Variants in BDNF observed in about 807,000 individuals in gnomAD.
BDNF encodes brain derived neurotrophic factor.
BDNF carries 1 observed loss-of-function variant against 19.5 expected under a neutral mutation model. That is an observed-to-expected ratio of 0.05 (90% confidence interval 0.02 to 0.24). BDNF has a LOEUF of 0.24. BDNF is among the 10% of genes least tolerant of loss of function. The pLI, the probability that BDNF is intolerant of heterozygous loss-of-function variation, is 1.00. For synonymous variants in BDNF, 100 were observed against 121.6 expected (o/e 0.82, Z 1.17); for missense variants, 195 against 317.6 (o/e 0.61, Z 2.93).
intron 1 of BDNF, among the ~76,000 whole-genome samples, chr11:27,682,766 C>T (rs1590361007): frequency 6.6e-6 from 1 of 152,238 alleles, no homozygotes; most frequent in Middle Eastern, 3.4e-3. Context: ...GCATAGTATT[C>T]CATGGTGTAT....
In BDNF at chr11:27,655,757, C is replaced by G. The variant is rs905724306; in HGVS notation, c.*2064G>C. ...AGATGCAGCAATTGCTTGGGGCTTTCTGATACTTAAGGATGCTGGTCCAAG... is the reference window on the plus strand; with the variant it reads ...AGATGCAGCAATTGCTTGGGGCTTTGTGATACTTAAGGATGCTGGTCCAAG... On this transcript the variant is annotated 3_prime_UTR_variant, in exon 2 of 2. Transcript: ENST00000356660. The G allele has an allele frequency of 1.3e-5, 2 of 152,166 alleles. No individual in the cohort carries two copies. The highest frequency in any genetic ancestry group is 6.5e-5 in the Admixed American group (1 of 15,278). 9.4% of individuals were successfully genotyped at this position (152,166 alleles called of 1,614,324 possible). A position where few individuals can be genotyped will look rare whatever the true frequency, so the allele number is the denominator to read the frequency against.
At position 27,657,516 on chromosome 11, in the gene BDNF, G is replaced by GCA. The variant is rs1852727861; in HGVS notation, c.*303_*304dup. On this transcript the variant is annotated 3_prime_UTR_variant, in exon 2 of 2. Transcript: ENST00000356660. This position sits in a 1 kb window ranked among gnomAD's most constrained non-coding sequence, Gnocchi z 5.0. ...AGTTTATTATCAATTCACAATTAAA[G>GCA]CAGCATGCAATTTATTATTTTTTTT... The GCA allele has an allele frequency of 1.5e-5, 17 of 1,134,244 alleles. No homozygotes were observed. Among genetic ancestry groups the GCA allele is most frequent in the Non-Finnish European group, 1.7e-5 (16 of 922,100 alleles). The allele number at this position is 1,134,244 out of a possible 1,614,324, so 70.3% of individuals were successfully genotyped here. A position where few individuals can be genotyped will look rare whatever the true frequency, so the allele number is the denominator to read the frequency against.
At chr11:27,703,209 C>T (rs933842752), upstream of BDNF, among the ~76,000 whole-genome samples, 1 of 152,104 alleles carries the variant, frequency 6.6e-6, no homozygotes, top group African/African-American at 2.4e-5. Context: ...AGACCCTCTG[C>T]GTTGGTTCCC....
chr11:27,701,502 C>T, upstream of BDNF: 5 of 989,008 alleles, frequency 5.1e-6, no homozygotes, highest in South Asian at 4.6e-5. Flanking sequence ...AATTGCATGG[C>T]GGAGGTAATA....
At chr11:27,718,627 G>A (rs1255410550) in intron 1 of BDNF, among the ~76,000 whole-genome samples, 1 of 147,830 alleles carries the variant, frequency 6.8e-6, no homozygotes, top group Non-Finnish European at 1.5e-5. Context: ...CTGGATCTCG[G>A]AACAATCTGT....
chr11:27,665,021 A>C lies in BDNF; in HGVS notation c.-21-6436T>G, dbSNP rs550687638. ...CTTTTAAAGTTTACTTTTTTAAAAA[A>C]CAGTTTTTTGTTTACAGGACCCAAA... On this transcript the variant is annotated intron_variant, in intron 1 of 1. Coordinates refer to ENST00000356660, the MANE Select transcript of BDNF (RefSeq NM_001709.5). 1.9e-4 allele frequency among the ~76,000 whole-genome samples: 29 copies of C among 152,304 alleles called. No individual in the cohort carries two copies. In the South Asian group the frequency reaches 5.6e-3, roughly 29 times the overall value.
rs150582127 is a variant in BDNF at position 27,658,989 on chromosome 11, T to C, written c.-21-404A>G. On this transcript the variant is annotated intron_variant, in intron 1 of 1. Transcript: ENST00000356660. The surrounding 1 kb of genome is among the most constrained non-coding windows in gnomAD (Gnocchi z 5.7). ...CAACAACTGCAAGTGTAATTAATAG[T>C]AATTTTTTTCAAGTTAGCAACATGG... 3.7e-4 allele frequency: 400 copies of C among 1,092,956 alleles called. 2 individuals carry two copies. The East Asian group carries it at 0.023, about 62-fold the overall frequency. The allele number at this position is 1,092,956 out of a possible 1,614,324, so 67.7% of individuals were successfully genotyped here.
rs948806213 is a variant in BDNF at position 27,700,192 on chromosome 11, C to G, written c.-50G>C. 5.0e-5 allele frequency: 49 copies of G among 985,700 alleles called. No individual in the cohort carries two copies. Among genetic ancestry groups the G allele is most frequent in the Admixed American group, 6.1e-5 (1 of 16,288 alleles). 61.1% of individuals were successfully genotyped at this position (985,700 alleles called of 1,614,324 possible). On this transcript the variant is annotated 5_prime_UTR_variant, in exon 1 of 2. Transcript: ENST00000356660. Reference sequence around the variant, plus strand: ...GGGGTCCACACAAACCTCACGGGTCCCCGGCGGCGGAGTCACATCGTGGTT... The same window carrying G: ...GGGGTCCACACAAACCTCACGGGTCGCCGGCGGCGGAGTCACATCGTGGTT...
Position 27,658,660 on chromosome 11 carries a change from T to C in BDNF, c.-21-75A>G, listed in dbSNP as rs1185199812. 12 of 1,612,674 alleles carry C rather than the reference T, an allele frequency of 7.4e-6. No homozygotes were observed. The East Asian group carries it at 2.7e-4, about 36-fold the overall frequency. ...TCACCGGGATGCCATGTGGCCCATC[T>C]GATTGTAATTCCAGGCCATTCTGCA... On this transcript the variant is annotated intron_variant, in intron 1 of 1. Transcript: ENST00000356660. This position sits in a 1 kb window ranked among gnomAD's most constrained non-coding sequence, Gnocchi z 5.7.
intron 1 of BDNF, chr11:27,721,396 T>G (rs765481492): frequency 1.2e-6 from 2 of 1,613,806 alleles, no homozygotes; most frequent in Admixed American, 3.3e-5. Context: ...ATAATGCAGG[T>G]TTTATTGCTA....
At position 27,657,079 on chromosome 11, in the gene BDNF, A is replaced by AT. The variant is rs997251702; in HGVS notation, c.*741dup. The AT allele has an allele frequency of 5.1e-6, 5 of 985,420 alleles. No homozygotes were observed. In the African/African-American group the frequency reaches 7.0e-5, roughly 14 times the overall value. The allele number at this position is 985,420 out of a possible 1,614,324, so 61.0% of individuals were successfully genotyped here. A position where few individuals can be genotyped will look rare whatever the true frequency, so the allele number is the denominator to read the frequency against. On this transcript the variant is annotated 3_prime_UTR_variant, in exon 2 of 2. Coordinates refer to ENST00000356660, the MANE Select transcript of BDNF (RefSeq NM_001709.5). The surrounding 1 kb of genome is among the most constrained non-coding windows in gnomAD (Gnocchi z 5.0). ...GCATCACGGGATGTGGAGTGTGAGCATTTTTTTGTTCAGTTGCCTTAATTT... is the reference window on the plus strand; with the variant it reads ...GCATCACGGGATGTGGAGTGTGAGCATTTTTTTTGTTCAGTTGCCTTAATTT...
chr11:27,665,168 A>G (rs1261738832), intron 1 of BDNF: 2 of 152,186 alleles, frequency 1.3e-5, no homozygotes, highest in African/African-American at 4.8e-5. Context: ...TCTATCTACT[A>G]TGTTATTGAA....
chr11:27,683,110 A>G lies in BDNF; in HGVS notation c.-22+17054T>C, dbSNP rs1857048312. The stretch of plus-strand genomic sequence containing the variant: ...TTTAATGATCGCCATTCTAACTGGC[A>G]TAAGATGGTATCTCACTGTGGTTTT... On this transcript the variant is annotated intron_variant, in intron 1 of 1. Coordinates refer to ENST00000356660, the MANE Select transcript of BDNF (RefSeq NM_001709.5). Among the ~76,000 whole-genome samples the G allele has an allele frequency of 3.3e-5, 5 of 152,104 alleles. No individual in the cohort carries two copies. The South Asian group carries it at 1.0e-3, about 32-fold the overall frequency.
intron 1 of BDNF, among the ~76,000 whole-genome samples, chr11:27,684,753 A>G (rs1395798088): frequency 6.6e-6 from 1 of 151,944 alleles, no homozygotes; most frequent in East Asian, 1.9e-4. Flanking sequence ...ATGAAGCCAA[A>G]TTATCATGGT....
chr11:27,694,264 A>G (rs969828487), intron 1 of BDNF, among the ~76,000 whole-genome samples: 2 of 152,234 alleles, frequency 1.3e-5, no homozygotes, highest in African/African-American at 4.8e-5. Flanking sequence ...ATCAAATTAC[A>G]CATAAGAAAT....
intron 1 of BDNF, among the ~76,000 whole-genome samples, chr11:27,685,031 G>A (rs1382306518): frequency 6.6e-6 from 1 of 152,060 alleles, no homozygotes; most frequent in Non-Finnish European, 1.5e-5. Flanking sequence ...TCTGGTCCTG[G>A]GCTTTTTTTG....
At position 27,711,516 on chromosome 11, in the gene BDNF, G is replaced by A. The variant is rs377044525; in HGVS notation, c.3+9896C>T. Among the ~76,000 whole-genome samples, 107 of 152,314 alleles carry A rather than the reference G, an allele frequency of 7.0e-4. 5 individuals carry two copies. In the South Asian group the frequency reaches 0.022, roughly 31 times the overall value. On this transcript the variant is annotated intron_variant, in intron 1 of 1. Transcript: ENST00000314915. The stretch of plus-strand genomic sequence containing the variant: ...TGGTCAAGATCTTGTAAGAAAATGT[G>A]TATGTAAACCATCTGATAATGGGAG...
At position 27,682,089 on chromosome 11, in the gene BDNF, A is replaced by C. The variant is rs1439641370; in HGVS notation, c.-22+18075T>G. Among the ~76,000 whole-genome samples, 6 of 152,114 alleles carry C rather than the reference A, an allele frequency of 3.9e-5. No individual in the cohort carries two copies. The South Asian group carries it at 1.2e-3, about 32-fold the overall frequency. The stretch of plus-strand genomic sequence containing the variant: ...ATTTCTGATTATTTACAAGGCTGCA[A>C]ATCCCTTCTAGCCACGCTCTAATGC... On this transcript the variant is annotated intron_variant, in intron 1 of 1. Coordinates refer to ENST00000356660, the MANE Select transcript of BDNF (RefSeq NM_001709.5).
intron 1 of BDNF, among the ~76,000 whole-genome samples, chr11:27,716,344 G>T (rs1362309844): frequency 6.6e-6 from 1 of 151,758 alleles, no homozygotes; most frequent in Non-Finnish European, 1.5e-5. Flanking sequence ...TAAGTAGTAC[G>T]CAATGTTCTT....
Sources: allele counts gnomAD v4.1 joint callset (sites outside exome capture counted in the v4.1 genomes callset), GRCh38; gene constraint gnomAD v4.1.1; non-coding constraint Gnocchi (gnomAD v3.1); transcripts MANE v1.5; gene names NCBI Gene and HGNC (gene_info 2026-07-23, HGNC 2026-07-21).